Variants in ACOXL observed in about 807,000 individuals in gnomAD.
The protein encoded by ACOXL is acyl-CoA oxidase like, also known as acyl-coenzyme A oxidase-like protein.
In ACOXL, 70 loss-of-function variants were observed where a neutral mutation model predicts 71.9. The ratio of observed to expected loss-of-function variants is 0.97; its 90% CI spans 0.80 to 1.19. The LOEUF (loss-of-function observed/expected upper bound fraction) is 1.19, where lower values mean the gene tolerates loss of function less well. ACOXL is among the 50% of genes most tolerant of loss of function. The pLI is 0.00. For synonymous variants in ACOXL, 253 were observed against 281.6 expected (o/e 0.90, Z 1.02); for missense variants, 703 against 736.3 (o/e 0.95, Z 0.52).
At position 110,836,575 on chromosome 2, in the gene ACOXL, C is replaced by A. The variant is rs547262557; in HGVS notation, c.754-4796C>A. 2.2e-4 allele frequency among the ~76,000 whole-genome samples: 33 copies of A among 152,308 alleles called. No individual in the cohort carries two copies. In the East Asian group the frequency reaches 6.2e-3, roughly 28 times the overall value. On this transcript the variant is annotated intron_variant, in intron 9 of 17. Coordinates refer to ENST00000439055, the MANE Select transcript of ACOXL (RefSeq NM_001142807.4). ...TCTGTGGGTGCCATGGCCCTGTTTG[C>A]ATGGTATTCTGCCCATGTCATGCCT...
intron 8 of ACOXL, 38 bp from the exon 9 acceptor site, chr2:110,805,225 C>A (rs778611641): frequency 7.4e-6 from 12 of 1,612,486 alleles, no homozygotes; most frequent in Middle Eastern, 1.6e-4. Flanking sequence ...GGTGCTATGT[C>A]CTGCTTTTTT....
In ACOXL at chr2:110,818,760, T is replaced by G. The variant is rs529346557; in HGVS notation, c.753+13365T>G. Among the ~76,000 whole-genome samples the G allele has an allele frequency of 6.4e-4, 98 of 152,156 alleles. 1 individual carries two copies. The highest frequency in any genetic ancestry group is 6.8e-3 in the Middle Eastern group (2 of 292). On this transcript the variant is annotated intron_variant, in intron 9 of 17. Transcript: ENST00000439055. ...GCATTGGAGGGTGGAACATAGAAATTCCTTCCCTTGAGGGGTTTTCAGTCC... is the reference window on the plus strand; with the variant it reads ...GCATTGGAGGGTGGAACATAGAAATGCCTTCCCTTGAGGGGTTTTCAGTCC...
intron 12 of ACOXL, among the ~76,000 whole-genome samples, chr2:110,982,640 A>G (rs1323564762): frequency 6.6e-6 from 1 of 152,242 alleles, no homozygotes; most frequent in African/African-American, 2.4e-5. Context: ...AATGCCCTTC[A>G]GGAACCTAGG....
chr2:111,078,823 G>A (rs2067741917), intron 16 of ACOXL, among the ~76,000 whole-genome samples: 1 of 152,180 alleles, frequency 6.6e-6, no homozygotes, highest in East Asian at 1.9e-4. Context: ...TCTGGATGTT[G>A]TTTAAAACCT....
At chr2:110,831,945 A>G (rs866498017) in intron 9 of ACOXL, among the ~76,000 whole-genome samples, 14 of 152,234 alleles carry the variant, frequency 9.2e-5, no homozygotes, top group Middle Eastern at 3.2e-3. Flanking sequence ...CACAGACTTA[A>G]ATGTAAAATT....
intron 10 of ACOXL, chr2:110,886,763 T>C (rs1697348253): frequency 6.4e-7 from 1 of 1,550,900 alleles, no homozygotes; most frequent in South Asian, 1.2e-5. Flanking sequence ...CATCTCACTT[T>C]TCTGTCCCTT....
intron 11 of ACOXL, among the ~76,000 whole-genome samples, chr2:110,911,397 A>G (rs2059644791): frequency 1.3e-5 from 2 of 152,100 alleles, no homozygotes; most frequent in African/African-American, 2.4e-5. Flanking sequence ...ACTCAATACC[A>G]AAATAAGGCA....
intron 10 of ACOXL, among the ~76,000 whole-genome samples, chr2:110,849,086 A>G (rs576784826): frequency 2.6e-5 from 4 of 152,196 alleles, no homozygotes; most frequent in Non-Finnish European, 4.4e-5. Flanking sequence ...CTATCAAGGA[A>G]CCATGCTCCA....
intron 9 of ACOXL, among the ~76,000 whole-genome samples, chr2:110,807,585 C>T (rs1686822540): frequency 6.6e-6 from 1 of 152,174 alleles, no homozygotes; most frequent in African/African-American, 2.4e-5. Flanking sequence ...TAGCACCTGC[C>T]CTGCCTATCC....
chr2:111,093,349 A>G (rs2068638794), intron 17 of ACOXL: 1 of 1,044,954 alleles, frequency 9.6e-7, no homozygotes, highest in African/African-American at 1.6e-5. Flanking sequence ...GCCATGGGGA[A>G]TTCAATACAA....
At chr2:110,926,108 A>G (rs2060259645) in intron 11 of ACOXL, among the ~76,000 whole-genome samples, 1 of 152,134 alleles carries the variant, frequency 6.6e-6, no homozygotes, top group Non-Finnish European at 1.5e-5. Context: ...TGATGCCCCA[A>G]AACGATTACA....
intron 14 of ACOXL, among the ~76,000 whole-genome samples, chr2:111,019,351 T>A (rs1046282949): frequency 6.6e-6 from 1 of 152,202 alleles, no homozygotes; most frequent in African/African-American, 2.4e-5. Context: ...CCAAGATCAA[T>A]TTCAGGAGAG....
intron 1 of ACOXL, among the ~76,000 whole-genome samples, chr2:110,743,597 G>A (rs1573294382): frequency 6.6e-6 from 1 of 152,174 alleles, no homozygotes; most frequent in East Asian, 1.9e-4. Flanking sequence ...GTGCTGCCAG[G>A]CCTTTGGTGG....
chr2:110,933,505 C>T lies in ACOXL; in HGVS notation c.922C>T (p.Leu308=). ...GTCCTGCAGGTATGCTGGGGCCCTC[C>T]TGGATGAGGATGTCTTCCAGGGAAA... ...TFVSRYAGAL[L]DEDVFQGKEL... is the part of the protein sequence containing the mutation. The change falls in exon 12 of 18, where the codon CTG becomes TTG. Residue 308 remains leucine (L), a synonymous_variant. Transcript: ENST00000439055. 1 of 1,614,096 alleles carries T rather than the reference C, an allele frequency of 6.2e-7. No homozygotes were observed. The highest frequency in any genetic ancestry group is 8.5e-7 in the Non-Finnish European group (1 of 1,179,950).
At chr2:110,757,816 T>C (rs1321125912) in intron 1 of ACOXL, among the ~76,000 whole-genome samples, 1 of 152,158 alleles carries the variant, frequency 6.6e-6, no homozygotes, top group Non-Finnish European at 1.5e-5. Context: ...GATAGATCGA[T>C]TGCAAGAATT....
intron 1 of ACOXL, among the ~76,000 whole-genome samples, chr2:110,742,081 G>T (rs937389073): frequency 6.6e-6 from 1 of 152,242 alleles, no homozygotes; most frequent in African/African-American, 2.4e-5. Flanking sequence ...GCACGGTGAG[G>T]AGAGGGTCCC....
chr2:111,056,834 T>C (rs1487548000), intron 16 of ACOXL, among the ~76,000 whole-genome samples: 1 of 150,986 alleles, frequency 6.6e-6, no homozygotes, highest in Non-Finnish European at 1.5e-5. Flanking sequence ...CCAGGCTCCA[T>C]AGTAAGTCAG....
At chr2:110,925,608 T>G (rs569671478) in intron 11 of ACOXL, among the ~76,000 whole-genome samples, 1 of 152,360 alleles carries the variant, frequency 6.6e-6, no homozygotes, top group East Asian at 1.9e-4. Context: ...TGGATTAGGC[T>G]TTGGCTTAAT....
intron 10 of ACOXL, among the ~76,000 whole-genome samples, chr2:110,896,912 A>G (rs1191781550): frequency 1.3e-5 from 2 of 152,172 alleles, no homozygotes; most frequent in Non-Finnish European, 2.9e-5. Flanking sequence ...TTCGTCCACC[A>G]AAAGTAGAGT....
Sources: gnomAD v4.1 joint callset for allele counts (sites outside exome capture counted in the v4.1 genomes callset) on GRCh38, gnomAD v4.1.1 for gene constraint, MANE v1.5 for transcripts, NCBI Gene and HGNC (gene_info 2026-07-23, HGNC 2026-07-21) for gene names.